ARHGAP5: variants seen among roughly 807,000 people sequenced by gnomAD.
ARHGAP5 encodes the protein rho GTPase-activating protein 5.
ARHGAP5 carries 23 observed loss-of-function variants against 116.6 expected under a neutral mutation model. That is an observed-to-expected ratio of 0.20 (90% CI 0.14 to 0.28). The LOEUF (loss-of-function observed/expected upper bound fraction) is 0.28, where lower values mean the gene tolerates loss of function less well. Ranked by LOEUF, ARHGAP5 falls within the 10% of genes least tolerant of loss-of-function variation. The pLI is 1.00. For synonymous variants in ARHGAP5, 574 were observed against 602.0 expected (o/e 0.95, Z 0.68); for missense variants, 1,405 against 1,774.8 (o/e 0.79, Z 3.74).
intron 1 of ARHGAP5, among the ~76,000 whole-genome samples, chr14:32,084,479 C>A (rs747839367): frequency 6.6e-6 from 1 of 152,142 alleles, no homozygotes; most frequent in African/African-American, 2.4e-5. Flanking sequence ...AGTGTGACTT[C>A]AGGATTACCC....
Position 32,159,085 on chromosome 14 carries a change from CTG to C in ARHGAP5, c.*4139_*4140del, listed in dbSNP as rs562771099. The C allele has an allele frequency of 2.5e-3, 380 of 152,152 alleles. 2 individuals carry two copies. Among genetic ancestry groups the C allele is most frequent in the African/African-American group, 8.6e-3 (356 of 41,550 alleles). 9.4% of individuals were successfully genotyped at this position (152,152 alleles called of 1,614,324 possible). A position where few individuals can be genotyped will look rare whatever the true frequency, so the allele number is the denominator to read the frequency against. ...GTGAAATTAGTCTTTTGTGGAAATTCTGTAGGCAGTATGATTTTGAAAAGCTA... is the reference window on the plus strand; with the variant it reads ...GTGAAATTAGTCTTTTGTGGAAATTCTAGGCAGTATGATTTTGAAAAGCTA... On this transcript the variant is annotated 3_prime_UTR_variant, in exon 7 of 7. Coordinates refer to ENST00000345122, the MANE Select transcript of ARHGAP5 (RefSeq NM_001030055.2).
At chr14:32,128,512 C>G (rs1880311293) in intron 3 of ARHGAP5, among the ~76,000 whole-genome samples, 1 of 152,254 alleles carries the variant, frequency 6.6e-6, no homozygotes, top group South Asian at 2.1e-4. Flanking sequence ...AAGGATGGCT[C>G]TGCTATCTGC....
chr14:32,101,738 C>CTT (rs748686199), intron 2 of ARHGAP5, among the ~76,000 whole-genome samples: 33 of 151,808 alleles, frequency 2.2e-4, no homozygotes, highest in Non-Finnish European at 3.4e-4. Flanking sequence ...AATCCCAGCA[C>CTT]TTTGGGAGGG....
chr14:32,132,690 G>A (rs1323194206), intron 3 of ARHGAP5, among the ~76,000 whole-genome samples: 1 of 141,132 alleles, frequency 7.1e-6, no homozygotes, highest in Non-Finnish European at 1.6e-5. Flanking sequence ...TAATGCCTAG[G>A]TTTTCTTCTA....
At chr14:32,136,245 C>T (rs1248755367) in intron 3 of ARHGAP5, among the ~76,000 whole-genome samples, 1 of 152,172 alleles carries the variant, frequency 6.6e-6, no homozygotes, top group Non-Finnish European at 1.5e-5. Context: ...ATTTTAATTG[C>T]TCCAAAAGGA....
chr14:32,116,645 A>C (rs1879614352), intron 2 of ARHGAP5, among the ~76,000 whole-genome samples: 1 of 152,142 alleles, frequency 6.6e-6, no homozygotes, highest in South Asian at 2.1e-4. Context: ...GGCAGGAAGA[A>C]AATGGAAAAA....
At chr14:32,126,003 T>C (rs1182090117) in intron 3 of ARHGAP5, among the ~76,000 whole-genome samples, 1 of 152,178 alleles carries the variant, frequency 6.6e-6, no homozygotes, top group African/African-American at 2.4e-5. Context: ...ATTTTTTGTG[T>C]GTATTTGGGG....
chr14:32,113,938 C>G (rs928280748), intron 2 of ARHGAP5, among the ~76,000 whole-genome samples: 2 of 152,126 alleles, frequency 1.3e-5, no homozygotes, highest in South Asian at 2.1e-4. Context: ...ATTAATCTAC[C>G]TAAGTGTAGG....
chr14:32,153,922 GAGAGAGGAAAAAAAA>G (rs1383452975), intron 6 of ARHGAP5: 117 of 151,426 alleles, frequency 7.7e-4, no homozygotes, highest in African/African-American at 2.8e-3. Context: ...GAGAAAGAAA[GAGAGAGGAAAAAAAA>G]AGAGAGGAAC....
At chr14:32,139,640 T>C (rs1012368384) in intron 3 of ARHGAP5, among the ~76,000 whole-genome samples, 2 of 151,926 alleles carry the variant, frequency 1.3e-5, no homozygotes, top group African/African-American at 4.8e-5. Context: ...ATTTAATCTT[T>C]TCAGAGAACC....
intron 3 of ARHGAP5, among the ~76,000 whole-genome samples, chr14:32,130,714 G>T (rs1566677379): frequency 6.6e-6 from 1 of 151,184 alleles, no homozygotes; most frequent in Non-Finnish European, 1.5e-5. Context: ...TGCATTTTTA[G>T]TAGAGATGGG....
At chr14:32,126,348 C>T (rs1435102086) in intron 3 of ARHGAP5, among the ~76,000 whole-genome samples, 1 of 152,162 alleles carries the variant, frequency 6.6e-6, no homozygotes, top group Non-Finnish European at 1.5e-5. Flanking sequence ...TTGCCTCTTT[C>T]TTGCTTCTGG....
At chr14:32,126,924 C>G (rs547155063) in intron 3 of ARHGAP5, among the ~76,000 whole-genome samples, 1 of 147,188 alleles carries the variant, frequency 6.8e-6, no homozygotes, top group South Asian at 2.2e-4. Context: ...TGTACACTTA[C>G]AAATGGTTAA....
At position 32,115,597 on chromosome 14, in the gene ARHGAP5, C is replaced by T. The variant is rs1448572886; in HGVS notation, c.3718-1543C>T. Among the ~76,000 whole-genome samples the T allele has an allele frequency of 5.0e-5, 7 of 139,558 alleles. No individual in the cohort carries two copies. The East Asian group carries it at 1.4e-3, about 27-fold the overall frequency. The allele number at this position is 139,558 out of a possible 152,430, so 91.6% of individuals were successfully genotyped here. A position where few individuals can be genotyped will look rare whatever the true frequency, so the allele number is the denominator to read the frequency against. On this transcript the variant is annotated intron_variant, in intron 2 of 6. Coordinates refer to ENST00000345122, the MANE Select transcript of ARHGAP5 (RefSeq NM_001030055.2). ...AGGAGAGTGGTGTGAACCCGGGAGG[C>T]GGAGCTTGCAGTGAGCCGAGATCGC...
chr14:32,153,480 T>G (rs1316234513), intron 6 of ARHGAP5, among the ~76,000 whole-genome samples: 2 of 145,726 alleles, frequency 1.4e-5, no homozygotes, highest in Non-Finnish European at 3.0e-5. Context: ...GCCAGGTTTT[T>G]TTTTTTTTTT....
intron 3 of ARHGAP5, among the ~76,000 whole-genome samples, chr14:32,138,102 T>G (rs908216318): frequency 1.3e-5 from 2 of 152,210 alleles, no homozygotes; most frequent in Admixed American, 6.5e-5. Context: ...ACCTTCTTGG[T>G]CAAATTTATT....
Position 32,146,121 on chromosome 14 carries a change from A to G in ARHGAP5, c.3866-142A>G, listed in dbSNP as rs367653694. 2.3e-5 allele frequency: 13 copies of G among 560,352 alleles called. No individual in the cohort carries two copies. In the African/African-American group the frequency reaches 2.5e-4, roughly 11 times the overall value. The allele number at this position is 560,352 out of a possible 1,614,324, so 34.7% of individuals were successfully genotyped here. A position where few individuals can be genotyped will look rare whatever the true frequency, so the allele number is the denominator to read the frequency against. On this transcript the variant is annotated intron_variant, in intron 3 of 6. Transcript: ENST00000345122. ...GAGACAGAGTCTCCCTGTGTTGCCCAGGCTGGGCTCAAACTCCTGGGCCAA... is the reference window on the plus strand; with the variant it reads ...GAGACAGAGTCTCCCTGTGTTGCCCGGGCTGGGCTCAAACTCCTGGGCCAA...
At chr14:32,133,347 A>G (rs1046264784) in intron 3 of ARHGAP5, among the ~76,000 whole-genome samples, 6 of 152,154 alleles carry the variant, frequency 3.9e-5, no homozygotes, top group African/African-American at 9.7e-5. Flanking sequence ...CTTTGAAGCA[A>G]TTGTGAATGG....
Position 32,093,848 on chromosome 14 carries a change from A to C in ARHGAP5, c.3179A>C (p.Lys1060Thr). 1 of 1,613,754 alleles carries C rather than the reference A, an allele frequency of 6.2e-7. No individual in the cohort carries two copies. Reference sequence around the variant, plus strand: ...AAAAAACTCGATCCAAACCTTTTAAAAACAATTGAAGCTGGTATTGGTAAA... The same window carrying C: ...AAAAAACTCGATCCAAACCTTTTAACAACAATTGAAGCTGGTATTGGTAAA... ...NVKKLDPNLL[K>T]TIEAGIGKNP... Residue 1060 changes from lysine (K) to threonine (T), a missense_variant, in exon 2 of 7, where the codon AAA becomes ACA. Physicochemically the swap from Lys to Thr is moderately conservative, Grantham distance 78. This residue lies in a region of ARHGAP5 where 944 missense variants were observed against 1,095.3 expected (regional missense o/e 0.86). Transcript: ENST00000345122.
Sources: gnomAD v4.1 joint callset for allele counts (sites outside exome capture counted in the v4.1 genomes callset) on GRCh38, gnomAD v4.1.1 for gene constraint, gnomAD v4.1.1 regional missense constraint, MANE v1.5 for transcripts, NCBI Gene and HGNC (gene_info 2026-07-23, HGNC 2026-07-21) for gene names.